Variants in CTNNA2 observed in about 807,000 individuals in gnomAD.
CTNNA2 encodes the protein catenin alpha 2.
CTNNA2 carries 42 observed loss-of-function variants against 101.0 expected under a neutral mutation model. That is an observed-to-expected ratio of 0.42 (90% CI 0.32 to 0.54). CTNNA2 has a LOEUF of 0.54. CTNNA2 is among the 20% of genes least tolerant of loss of function. The pLI, the probability that CTNNA2 is intolerant of heterozygous loss-of-function variation, is 0.14. For synonymous variants in CTNNA2, 450 were observed against 456.4 expected (o/e 0.99, Z 0.18); for missense variants, 871 against 1,223.1 (o/e 0.71, Z 4.29).
At chr2:80,128,884 C>T (rs774152389) in intron 7 of CTNNA2, among the ~76,000 whole-genome samples, 2 of 152,106 alleles carry the variant, frequency 1.3e-5, no homozygotes, top group Non-Finnish European at 2.9e-5. Flanking sequence ...TCACACACTA[C>T]CTTAACATTA....
intron 3 of CTNNA2, among the ~76,000 whole-genome samples, chr2:79,323,661 G>A (rs13429593): frequency 0.07 from 10,629 of 152,178 alleles, 444 homozygotes; most frequent in African/African-American, 0.1. Flanking sequence ...CTGTTCAATT[G>A]AATCTGTTGG....
intron 7 of CTNNA2, among the ~76,000 whole-genome samples, chr2:80,286,274 C>A (rs1008338013): frequency 1.4e-4 from 22 of 152,072 alleles, no homozygotes; most frequent in Non-Finnish European, 3.1e-4. Flanking sequence ...TGTCCAGCAA[C>A]CTCCTTCAAG....
rs186649980 is a variant in CTNNA2, at chr2:80,418,962, C to T, written c.1138-487C>T. On this transcript the variant is annotated intron_variant, in intron 8 of 18. Coordinates refer to ENST00000402739, the MANE Select transcript of CTNNA2 (RefSeq NM_001282597.3). ...ACAGTTTTGAGATTGTTAGATGTTT[C>T]ATGTTTCTGCTTCTATCTAACACAA... is the stretch of plus-strand genomic sequence containing the variant. Among the ~76,000 whole-genome samples, 33 of 152,268 alleles carry T rather than the reference C, an allele frequency of 2.2e-4. No individual in the cohort carries two copies. The East Asian group carries it at 5.8e-3, about 27-fold the overall frequency.
At chr2:79,687,405 G>T (rs920561457) in intron 2 of CTNNA2, among the ~76,000 whole-genome samples, 3 of 149,762 alleles carry the variant, frequency 2.0e-5, no homozygotes, top group Non-Finnish European at 4.4e-5. Flanking sequence ...TTATAGTACT[G>T]AGGAGCAGCA....
chr2:80,608,249 T>G lies in CTNNA2; in HGVS notation c.2361T>G (p.His787Gln). 1.9e-6 allele frequency: 3 copies of G among 1,611,136 alleles called. No homozygotes were observed. Among genetic ancestry groups the G allele is most frequent in the Non-Finnish European group, 2.5e-6 (3 of 1,178,006 alleles). Reference sequence around the variant, plus strand: ...TTCAACGAATTGCCTTGTATTGCCATCAGCTTAATATCTGCAGCAAGGTGA... The same window carrying G: ...TTCAACGAATTGCCTTGTATTGCCAGCAGCTTAATATCTGCAGCAAGGTGA... ...AYLQRIALYC[H>Q]QLNICSKVKA... Residue 787 changes from histidine to glutamine, a missense_variant, in exon 17 of 19, where the codon CAT becomes CAG. By Grantham distance (24) the His-to-Gln change is conservative. This residue lies in a region of CTNNA2 where 93 missense variants were observed against 223.7 expected (regional missense o/e 0.42). Coordinates refer to ENST00000402739, the MANE Select transcript of CTNNA2 (RefSeq NM_001282597.3).
chr2:79,262,775 G>T (rs185675903), intron 2 of CTNNA2, among the ~76,000 whole-genome samples: 2 of 152,244 alleles, frequency 1.3e-5, no homozygotes, highest in Admixed American at 1.3e-4. Flanking sequence ...TCTAGTAGAA[G>T]GTGAAACATG....
intron 7 of CTNNA2, among the ~76,000 whole-genome samples, chr2:80,387,435 A>G (rs957261695): frequency 2.0e-5 from 3 of 152,204 alleles, no homozygotes; most frequent in African/African-American, 4.8e-5. Context: ...GAATTTCAGA[A>G]GGGGTGATGG....
chr2:80,408,791 C>T (rs2149390491), intron 8 of CTNNA2, among the ~76,000 whole-genome samples: 1 of 152,266 alleles, frequency 6.6e-6, no homozygotes, highest in East Asian at 1.9e-4. Context: ...TTGTGAACTT[C>T]AACAGCCAGG....
At chr2:79,763,227 T>G (rs1462563034) in intron 3 of CTNNA2, among the ~76,000 whole-genome samples, 2 of 152,248 alleles carry the variant, frequency 1.3e-5, no homozygotes, top group Non-Finnish European at 2.9e-5. Flanking sequence ...AGTTATAAAC[T>G]AAACCAGTTA....
chr2:79,555,404 C>T (rs1370778998), intron 1 of CTNNA2, among the ~76,000 whole-genome samples: 3 of 152,058 alleles, frequency 2.0e-5, no homozygotes, highest in African/African-American at 2.4e-5. Context: ...GACAGTTTTA[C>T]TTCAAAAGCT....
chr2:80,605,957 GT>G (rs758305335), intron 16 of CTNNA2, among the ~76,000 whole-genome samples: 4 of 151,480 alleles, frequency 2.6e-5, no homozygotes, highest in African/African-American at 7.3e-5. Flanking sequence ...TAAACTGAGG[GT>G]TTTTTTTGAC....
At chr2:79,384,376 T>C (rs1678073281) in intron 4 of CTNNA2, among the ~76,000 whole-genome samples, 1 of 104,540 alleles carries the variant, frequency 9.6e-6, no homozygotes, top group Non-Finnish European at 1.9e-5. Flanking sequence ...TGCATATTTC[T>C]TCTCTCTCTC....
At chr2:79,935,612 A>G (rs1326723238) in intron 7 of CTNNA2, among the ~76,000 whole-genome samples, 4 of 152,212 alleles carry the variant, frequency 2.6e-5, no homozygotes, top group Non-Finnish European at 5.9e-5. Flanking sequence ...CTACATTTCA[A>G]ATATCTTTGA....
chr2:80,469,886 T>C lies in CTNNA2; in HGVS notation c.1290+50285T>C, dbSNP rs1685151093. On this transcript the variant is annotated intron_variant, in intron 9 of 18. Coordinates refer to ENST00000402739, the MANE Select transcript of CTNNA2 (RefSeq NM_001282597.3). ...CACTATCTTATTTTTGGCTTCAAAA[T>C]ATTTTTTCATCATGTTCTTGCAATG... Among the ~76,000 whole-genome samples, 4 of 152,288 alleles carry C rather than the reference T, an allele frequency of 2.6e-5. No homozygotes were observed. In the South Asian group the frequency reaches 8.3e-4, roughly 32 times the overall value.
intron 6 of CTNNA2, among the ~76,000 whole-genome samples, chr2:79,878,924 G>A (rs1322941574): frequency 6.6e-6 from 1 of 152,018 alleles, no homozygotes; most frequent in Non-Finnish European, 1.5e-5. Flanking sequence ...GTATTGCCTA[G>A]GTTTTCTTCT....
At chr2:79,879,555 T>C (rs556839391) in intron 6 of CTNNA2, among the ~76,000 whole-genome samples, 10 of 152,152 alleles carry the variant, frequency 6.6e-5, no homozygotes, top group Non-Finnish European at 1.2e-4. Flanking sequence ...GCTGTATTCC[T>C]AGGTATTTTA....
intron 15 of CTNNA2, among the ~76,000 whole-genome samples, chr2:80,599,486 A>T (rs943744976): frequency 3.3e-5 from 5 of 152,172 alleles, no homozygotes; most frequent in Non-Finnish European, 7.3e-5. Context: ...GCAGCCACAC[A>T]ATCTGTTATG....
chr2:79,596,692 A>G (rs999525853), intron 1 of CTNNA2, among the ~76,000 whole-genome samples: 1 of 152,312 alleles, frequency 6.6e-6, no homozygotes, highest in Admixed American at 6.5e-5. Context: ...CTGCTAAGTA[A>G]TGATGCTACA....
intron 7 of CTNNA2, among the ~76,000 whole-genome samples, chr2:80,043,031 C>A (rs946464032): frequency 9.9e-5 from 6 of 60,320 alleles, no homozygotes; most frequent in Non-Finnish European, 1.5e-4. Flanking sequence ...TTCTTTCTTT[C>A]TTTCTTTCCT....
Sources: allele counts gnomAD v4.1 joint callset (sites outside exome capture counted in the v4.1 genomes callset), GRCh38; gene constraint gnomAD v4.1.1; regional missense constraint gnomAD v4.1.1; transcripts MANE v1.5; gene names NCBI Gene and HGNC (gene_info 2026-07-23, HGNC 2026-07-21).